The following RBM47 variants were observed in gnomAD, a reference collection of about 807,000 sequenced individuals.
The protein encoded by RBM47 is RNA-binding protein 47.
Under a neutral mutation model 47.1 loss-of-function variants are expected in RBM47, and 21 were observed. That is an observed-to-expected ratio of 0.45 (90% CI 0.32 to 0.64). The LOEUF (loss-of-function observed/expected upper bound fraction) is 0.64, where lower values mean the gene tolerates loss of function less well. Among genes scored for constraint, RBM47 ranks in the 30% least tolerant of loss-of-function variants. The probability of loss-of-function intolerance (pLI) is 0.05; values close to 1 mark genes in which losing one functional copy is unlikely to be tolerated. For synonymous variants in RBM47, 375 were observed against 361.7 expected (o/e 1.04, Z -0.42); for missense variants, 708 against 870.9 (o/e 0.81, Z 2.35).
In RBM47 at chr4:40,530,921, G is replaced by A. The variant is rs117685715; in HGVS notation, c.-155+13501C>T. On this transcript the variant is annotated intron_variant, in intron 2 of 6. Coordinates refer to ENST00000295971, the MANE Select transcript of RBM47 (RefSeq NM_001098634.2). Reference sequence around the variant, plus strand: ...TGGGGACCAGCTTGGGCAACATAGTGAGACCTGTCTCTACAAAAAGCAAAC... The same window carrying A: ...TGGGGACCAGCTTGGGCAACATAGTAAGACCTGTCTCTACAAAAAGCAAAC... 3.9e-5 allele frequency among the ~76,000 whole-genome samples: 6 copies of A among 152,230 alleles called. No individual in the cohort carries two copies. In the South Asian group the frequency reaches 6.2e-4, roughly 16 times the overall value.
intron 2 of RBM47, among the ~76,000 whole-genome samples, chr4:40,538,523 C>T (rs1379247797): frequency 6.6e-6 from 1 of 152,112 alleles, no homozygotes; most frequent in Admixed American, 6.6e-5. Flanking sequence ...AACAGGGTTT[C>T]ACTACGTTGG....
At chr4:40,437,176 C>CATATATATATA (rs1218027908) in intron 4 of RBM47, among the ~76,000 whole-genome samples, 1 of 117,684 alleles carries the variant, frequency 8.5e-6, no homozygotes, top group African/African-American at 3.4e-5. Flanking sequence ...ATATATAATA[C>CATATATATATA]ATATATATAT....
Position 40,591,551 on chromosome 4 carries a change from G to A in RBM47, c.-240+37845C>T, listed in dbSNP as rs374191980. Among the ~76,000 whole-genome samples, 27 of 152,038 alleles carry A rather than the reference G, an allele frequency of 1.8e-4. No homozygotes were observed. The South Asian group carries it at 5.6e-3, about 32-fold the overall frequency. On this transcript the variant is annotated intron_variant, in intron 1 of 6. Transcript: ENST00000295971. ...CTCAACTAAAAATACAAAATTAGCT[G>A]GGCGTGGTGGCATGACCTTGCAATC...
chr4:40,599,088 C>T (rs929846369), intron 1 of RBM47, among the ~76,000 whole-genome samples: 1 of 151,850 alleles, frequency 6.6e-6, no homozygotes, highest in Non-Finnish European at 1.5e-5. Context: ...AGCCCCAACT[C>T]TACTAAAAGC....
chr4:40,612,555 G>T (rs926428647), intron 1 of RBM47, among the ~76,000 whole-genome samples: 3 of 152,142 alleles, frequency 2.0e-5, no homozygotes, highest in East Asian at 1.9e-4. Context: ...TTCTAAGAAT[G>T]ACTTTGTCTA....
At chr4:40,496,982 G>A (rs1264556808) in intron 2 of RBM47, among the ~76,000 whole-genome samples, 4 of 148,698 alleles carry the variant, frequency 2.7e-5, no homozygotes, top group Non-Finnish European at 4.4e-5. Context: ...CGGAGGTTGC[G>A]GTGAGCCAAG....
Position 40,423,652 on chromosome 4 carries a change from T to TTCTC in RBM47, c.*2251_*2252insGAGA, listed in dbSNP as rs1324992772. On this transcript the variant is annotated 3_prime_UTR_variant, in exon 7 of 7. Transcript: ENST00000295971. The stretch of plus-strand genomic sequence containing the variant: ...TCATTTTTTTTTATTCTTTCTTTCT[T>TTCTC]TTTCTTTCTTTCTTTCTTTCTTTCT... 6.1e-4 allele frequency: 79 copies of TTCTC among 129,278 alleles called. 1 individual carries two copies. Among genetic ancestry groups the TTCTC allele is most frequent in the South Asian group, 1.4e-3 (5 of 3,682 alleles). The allele number at this position is 129,278 out of a possible 1,614,324, so 8.0% of individuals were successfully genotyped here.
chr4:40,564,526 A>G (rs1466605332), intron 1 of RBM47, among the ~76,000 whole-genome samples: 2 of 152,230 alleles, frequency 1.3e-5, no homozygotes, highest in African/African-American at 2.4e-5. Flanking sequence ...TAAGGAATAC[A>G]TGGGGAATCT....
intron 6 of RBM47, among the ~76,000 whole-genome samples, chr4:40,431,526 C>CAG (rs1553876192): frequency 1.3e-5 from 2 of 151,886 alleles, no homozygotes; most frequent in Non-Finnish European, 2.9e-5. Context: ...GGCATGGTGG[C>CAG]GTGCGCCTGT....
intron 4 of RBM47, among the ~76,000 whole-genome samples, chr4:40,437,110 TAA>T (rs1205167637): frequency 8.4e-5 from 5 of 59,636 alleles, no homozygotes; most frequent in East Asian, 6.9e-4. Flanking sequence ...TATATATATA[TAA>T]AATACATATA....
chr4:40,581,239 T>C (rs1732877576), intron 1 of RBM47, among the ~76,000 whole-genome samples: 1 of 151,858 alleles, frequency 6.6e-6, no homozygotes, highest in African/African-American at 2.4e-5. Flanking sequence ...CTGGACAATA[T>C]AGTGAGACCT....
intron 1 of RBM47, among the ~76,000 whole-genome samples, chr4:40,547,893 C>T (rs367662068): frequency 1.2e-4 from 18 of 152,344 alleles, no homozygotes; most frequent in African/African-American, 4.3e-4. Flanking sequence ...ATGAATGCCT[C>T]CTACAGGCCA....
chr4:40,442,598 G>A (rs1302030889), intron 3 of RBM47, among the ~76,000 whole-genome samples: 1 of 152,144 alleles, frequency 6.6e-6, no homozygotes, highest in Non-Finnish European at 1.5e-5. Context: ...CCAAAAGATG[G>A]AAGCAACCCA....
intron 2 of RBM47, among the ~76,000 whole-genome samples, chr4:40,529,775 G>A (rs1727180926): frequency 6.7e-6 from 1 of 149,798 alleles, no homozygotes; most frequent in Non-Finnish European, 1.5e-5. Context: ...GTTGCAGTGA[G>A]CCGAGATTGT....
intron 2 of RBM47, among the ~76,000 whole-genome samples, chr4:40,499,885 C>T (rs907499041): frequency 3.3e-5 from 5 of 152,178 alleles, no homozygotes; most frequent in Admixed American, 2.0e-4. Context: ...TTTGCAAGAT[C>T]CATAATAATA....
In RBM47 at chr4:40,493,519, C is replaced by T. The variant is rs6843654; in HGVS notation, c.-154-26820G>A. On this transcript the variant is annotated intron_variant, in intron 2 of 6. Coordinates refer to ENST00000295971, the MANE Select transcript of RBM47 (RefSeq NM_001098634.2). ...TATGTTTTGGCCTGGCGCAGTGGCT[C>T]ACACCTGTAATCACAGCACTTTGGG... Among the ~76,000 whole-genome samples the T allele has an allele frequency of 8.9e-3, 1,358 of 152,252 alleles. 26 individuals are homozygous for T. Among genetic ancestry groups the T allele is most frequent in the African/African-American group, 0.031 (1,269 of 41,526 alleles).
Position 40,615,317 on chromosome 4 carries a change from C to T in RBM47, c.-240+14079G>A, listed in dbSNP as rs553694718. On this transcript the variant is annotated intron_variant, in intron 1 of 6. Transcript: ENST00000295971. The stretch of plus-strand genomic sequence containing the variant: ...AATTGGCCAGGCATGAGGGTGTGCA[C>T]CTGTGGTCCCAGCTACTTGGGAAGC... 7.9e-5 allele frequency among the ~76,000 whole-genome samples: 12 copies of T among 151,842 alleles called. No homozygotes were observed. The South Asian group carries it at 2.5e-3, about 32-fold the overall frequency.
chr4:40,599,796 C>T (rs1022479460), intron 1 of RBM47, among the ~76,000 whole-genome samples: 2 of 151,456 alleles, frequency 1.3e-5, no homozygotes, highest in Non-Finnish European at 2.9e-5. Flanking sequence ...TACCAACTAA[C>T]CCCAGGTAAT....
At chr4:40,442,404 C>T (rs1357307789) in intron 3 of RBM47, among the ~76,000 whole-genome samples, 1 of 152,074 alleles carries the variant, frequency 6.6e-6, no homozygotes, top group Admixed American at 6.6e-5. Context: ...GAAATTGAAA[C>T]CCTCATGCAG....
Sources: gnomAD v4.1 joint callset for allele counts (sites outside exome capture counted in the v4.1 genomes callset) on GRCh38, gnomAD v4.1.1 for gene constraint, MANE v1.5 for transcripts, NCBI Gene and HGNC (gene_info 2026-07-23, HGNC 2026-07-21) for gene names.